The following GLI2 variants were observed in gnomAD, a reference collection of about 807,000 sequenced individuals.
GLI2 encodes GLI family zinc finger 2, also known as transcription activator GLI2.
A neutral mutation model predicts 78.9 loss-of-function variants in GLI2; 22 were observed. The ratio of observed to expected loss-of-function variants is 0.28; its 90% CI spans 0.20 to 0.40. The LOEUF (loss-of-function observed/expected upper bound fraction) is 0.40. Ranked by LOEUF, GLI2 falls within the 10% of genes least tolerant of loss-of-function variation. The pLI, the probability that GLI2 is intolerant of heterozygous loss-of-function variation, is 1.00. For missense variants in GLI2, 2,097 were observed against 2,213.2 expected (o/e 0.95, Z 1.05); for synonymous variants, 974 against 963.7 (o/e 1.01, Z -0.20).
At chr2:120,922,623 C>T (rs1294543261) in intron 2 of GLI2, among the ~76,000 whole-genome samples, 4 of 152,182 alleles carry the variant, frequency 2.6e-5, no homozygotes, top group Non-Finnish European at 5.9e-5. Context: ...CAGCAAAGCC[C>T]CATGAGGCAG....
At chr2:120,797,853 T>C (rs1443722920) in intron 2 of GLI2, among the ~76,000 whole-genome samples, 1 of 152,196 alleles carries the variant, frequency 6.6e-6, no homozygotes, top group African/African-American at 2.4e-5. Context: ...AAGGACTGTT[T>C]TGGAAAGTAA....
At chr2:120,874,013 G>C (rs979032060) in intron 2 of GLI2, among the ~76,000 whole-genome samples, 1 of 152,134 alleles carries the variant, frequency 6.6e-6, no homozygotes, top group Non-Finnish European at 1.5e-5. Flanking sequence ...CTGGGGGTCT[G>C]GTTCCATGGG....
rs183374068 is a variant in GLI2, at chr2:120,744,609, G to A, written c.-31+8324G>A. Among the ~76,000 whole-genome samples, 6 of 152,316 alleles carry A rather than the reference G, an allele frequency of 3.9e-5. No homozygotes were observed. The East Asian group carries it at 5.8e-4, about 15-fold the overall frequency. On this transcript the variant is annotated intron_variant, in intron 1 of 13. Coordinates refer to ENST00000361492, the MANE Select transcript of GLI2 (RefSeq NM_001374353.1). ...TGTTCAGTGTGAATGAGGGATGTGCGACATGTATATTTATGCTGATAGACA... is the reference window on the plus strand; with the variant it reads ...TGTTCAGTGTGAATGAGGGATGTGCAACATGTATATTTATGCTGATAGACA...
In GLI2 at chr2:120,990,662, A is replaced by G; in HGVS notation, c.4697A>G (p.Asn1566Ser). Residue 1566 changes from asparagine (N) to serine (S), a missense_variant, in exon 14 of 14, where the codon AAC (asparagine) becomes AGC (serine). This residue lies in a region of GLI2 where 1,290 missense variants were observed against 1,261.7 expected (regional missense o/e 1.02). Transcript: ENST00000361492. ...TSLAEESKFL[N>S]MMT ...CTCGCCGAGGAGAGCAAGTTCCTGA[A>G]CATGATGACCTAGAGGCCCGAGCGC... 1 of 1,612,232 alleles carries G rather than the reference A, an allele frequency of 6.2e-7. No individual in the cohort carries two copies. The highest frequency in any genetic ancestry group is 1.1e-5 in the South Asian group (1 of 91,038).
At chr2:120,944,027 G>A (rs1047099111) in intron 3 of GLI2, among the ~76,000 whole-genome samples, 5 of 152,140 alleles carry the variant, frequency 3.3e-5, no homozygotes, top group Non-Finnish European at 7.3e-5. Flanking sequence ...TTCTCAGGCA[G>A]AAGCTACACA....
chr2:120,952,201 C>G (rs561203932), intron 4 of GLI2, among the ~76,000 whole-genome samples: 3 of 152,224 alleles, frequency 2.0e-5, no homozygotes, highest in Non-Finnish European at 4.4e-5. Context: ...GGCATGGCCC[C>G]GTGCCGCCCC....
chr2:120,906,356 C>T (rs1573575672), intron 2 of GLI2, among the ~76,000 whole-genome samples: 1 of 152,188 alleles, frequency 6.6e-6, no homozygotes, highest in Non-Finnish European at 1.5e-5. Context: ...GGGGTTCACC[C>T]TCTCCTGCCC....
At chr2:120,896,757 G>A (rs888257226) in intron 2 of GLI2, among the ~76,000 whole-genome samples, 47 of 147,114 alleles carry the variant, frequency 3.2e-4, no homozygotes, top group African/African-American at 1.1e-3. Context: ...GGAGGCCTTG[G>A]CCCTTTTTCT....
intron 2 of GLI2, among the ~76,000 whole-genome samples, chr2:120,885,256 C>A (rs1320071546): frequency 6.6e-6 from 1 of 152,188 alleles, no homozygotes; most frequent in South Asian, 2.1e-4. Context: ...ATGGAAGAGA[C>A]CCAGTAAATA....
intron 1 of GLI2, among the ~76,000 whole-genome samples, chr2:120,764,675 G>A (rs1269680456): frequency 6.6e-6 from 1 of 152,260 alleles, no homozygotes; most frequent in Non-Finnish European, 1.5e-5. Context: ...TGGGGTCCAT[G>A]TGAATGTGGG....
At position 120,800,749 on chromosome 2, in the gene GLI2, G is replaced by A. The variant is rs533325858; in HGVS notation, c.148+3281G>A. On this transcript the variant is annotated intron_variant, in intron 2 of 13. Coordinates refer to ENST00000361492, the MANE Select transcript of GLI2 (RefSeq NM_001374353.1). This position sits in a 1 kb window ranked among gnomAD's most constrained non-coding sequence, Gnocchi z 4.1. Reference sequence around the variant, plus strand: ...TCTCAATCTCCTGACCTCATGATCCGCCCGCCTCAGCCTCCCAAAGTGCCG... The same window carrying A: ...TCTCAATCTCCTGACCTCATGATCCACCCGCCTCAGCCTCCCAAAGTGCCG... 3.9e-5 allele frequency among the ~76,000 whole-genome samples: 6 copies of A among 152,052 alleles called. No homozygotes were observed. Among genetic ancestry groups the A allele is most frequent in the Admixed American group, 2.0e-4 (3 of 15,278 alleles).
chr2:120,797,404 G>A lies in GLI2; in HGVS notation c.84G>A (p.Pro28=), dbSNP rs377702863. The A allele has an allele frequency of 6.1e-5, 99 of 1,614,006 alleles. No individual in the cohort carries two copies. Among genetic ancestry groups the A allele is most frequent in the Middle Eastern group, 5.0e-4 (3 of 6,060 alleles). The change falls in exon 2 of 14, where the codon CCG becomes CCA. Residue 28 remains proline (P), a synonymous_variant. Coordinates refer to ENST00000361492, the MANE Select transcript of GLI2 (RefSeq NM_001374353.1). The part of the protein sequence containing the change: ...GILEAAGFPD[P]GKKASPLVVA... ...TGGAGGCCGCTGGCTTCCCCGACCC[G>A]GGTAAAAAGGCCTCTCCTTTGGTGG...
intron 12 of GLI2, among the ~76,000 whole-genome samples, chr2:120,985,271 A>C (rs893390995): frequency 2.0e-5 from 3 of 152,202 alleles, no homozygotes; most frequent in African/African-American, 7.2e-5. Context: ...GAGCCGGTCC[A>C]TGCTGCTGCC....
At position 120,971,831 on chromosome 2, in the gene GLI2, G is replaced by A. The variant is rs181445981; in HGVS notation, c.1060-110G>A. The A allele has an allele frequency of 5.2e-3, 4,866 of 935,994 alleles. 16 individuals are homozygous for A. The highest frequency in any genetic ancestry group is 6.8e-3 in the Non-Finnish European group (3,861 of 568,204). 58.0% of individuals were successfully genotyped at this position (935,994 alleles called of 1,614,324 possible). On this transcript the variant is annotated intron_variant, in intron 7 of 13. Transcript: ENST00000361492. ...CTATTTCTGATACTTTAAACACAGGGTTAGCCCAGATGGTCTGTGCGGAGA... is the reference window on the plus strand; with the variant it reads ...CTATTTCTGATACTTTAAACACAGGATTAGCCCAGATGGTCTGTGCGGAGA...
rs529098740 is a variant in GLI2 at position 120,925,748 on chromosome 2, C to T, written c.149-1613C>T. 1.1e-4 allele frequency among the ~76,000 whole-genome samples: 17 copies of T among 152,200 alleles called. No individual in the cohort carries two copies. In the South Asian group the frequency reaches 3.5e-3, roughly 32 times the overall value. On this transcript the variant is annotated intron_variant, in intron 2 of 13. Coordinates refer to ENST00000361492, the MANE Select transcript of GLI2 (RefSeq NM_001374353.1). ...ATGATTACACAACAATGCAAAGGGGCTTAATGCCACTCAACTGTGCATGTA... is the reference window on the plus strand; with the variant it reads ...ATGATTACACAACAATGCAAAGGGGTTTAATGCCACTCAACTGTGCATGTA...
chr2:120,767,904 G>T (rs558704896), intron 1 of GLI2, among the ~76,000 whole-genome samples: 2 of 152,180 alleles, frequency 1.3e-5, no homozygotes, highest in African/African-American at 2.4e-5. Flanking sequence ...TCTAGGAAGT[G>T]CAGGCCCCTG....
At chr2:120,765,713 G>T (rs1256370791) in intron 1 of GLI2, among the ~76,000 whole-genome samples, 2 of 152,264 alleles carry the variant, frequency 1.3e-5, no homozygotes, top group African/African-American at 2.4e-5. Flanking sequence ...AGGAGATTCT[G>T]CAGGGTGGGA....
intron 1 of GLI2, among the ~76,000 whole-genome samples, chr2:120,738,077 G>C (rs1275411623): frequency 3.3e-5 from 5 of 152,218 alleles, no homozygotes; most frequent in Non-Finnish European, 7.3e-5. Flanking sequence ...TGTTTAGGGG[G>C]AAGCTCACGG....
chr2:120,787,495 G>A (rs983987074), intron 1 of GLI2, among the ~76,000 whole-genome samples: 1 of 152,170 alleles, frequency 6.6e-6, no homozygotes. Flanking sequence ...CGTGTGCCAG[G>A]CTACTGGGGT....
Sources: allele counts gnomAD v4.1 joint callset (sites outside exome capture counted in the v4.1 genomes callset), GRCh38; gene constraint gnomAD v4.1.1; regional missense constraint gnomAD v4.1.1; non-coding constraint Gnocchi (gnomAD v3.1); transcripts MANE v1.5; gene names NCBI Gene and HGNC (gene_info 2026-07-23, HGNC 2026-07-21).